CCDC122: variants seen among roughly 807,000 people sequenced by gnomAD.
CCDC122 encodes the protein coiled-coil domain containing 122, also known as coiled-coil domain-containing protein 122.
A neutral mutation model predicts 37.0 loss-of-function variants in CCDC122; 38 were observed. The observed-to-expected ratio is 1.03, with a 90% CI of 0.79 to 1.35. The LOEUF is 1.35. CCDC122 is among the 40% of genes most tolerant of loss of function. The pLI, the probability that CCDC122 is intolerant of heterozygous loss-of-function variation, is 0.00. For missense variants in CCDC122, 305 were observed against 310.0 expected, an observed-to-expected ratio of 0.98 and a Z score of 0.12; for synonymous variants, 83 against 95.6, an observed-to-expected ratio of 0.87 and a Z score of 0.77.
chr13:43,833,319 A>T (rs17065113), downstream of CCDC122, among the ~76,000 whole-genome samples: 1 of 152,210 alleles, frequency 6.6e-6, no homozygotes. Context: ...GGATCAGGAC[A>T]GATACTACTG....
At position 43,858,846 on chromosome 13, in the gene CCDC122, T is replaced by C. The variant is rs113494820; in HGVS notation, c.607A>G (p.Ile203Val). The C allele has an allele frequency of 2.8e-6, 4 of 1,423,188 alleles. No homozygotes were observed. The highest frequency in any genetic ancestry group is 2.8e-6 in the Non-Finnish European group (3 of 1,055,510). The allele number at this position is 1,423,188 out of a possible 1,614,324, so 88.2% of individuals were successfully genotyped here. Reference protein sequence around the residue: ...DKIITVKESIIEKTCFLEEEK... With the variant: ...DKIITVKESIVEKTCFLEEEK... ...TCCTCAAGAAAACAAGTTTTTTCAA[T>C]GATAGATTCTTTTACAGTTATAATT... Residue 203 changes from isoleucine (I) to valine (V), a missense_variant, in exon 6 of 7, where the codon ATT (isoleucine) becomes GTT (valine). Transcript: ENST00000444614.
chr13:43,873,955 CCTTTT>C, intron 2 of CCDC122, among the ~76,000 whole-genome samples: 1 of 152,264 alleles, frequency 6.6e-6, no homozygotes, highest in South Asian at 2.1e-4. Context: ...TCCAGTTTGC[CCTTTT>C]CTAACAGAAT....
chr13:43,849,736 A>G (rs1953662197), intron 6 of CCDC122, among the ~76,000 whole-genome samples: 1 of 152,190 alleles, frequency 6.6e-6, no homozygotes, highest in South Asian at 2.1e-4. Context: ...TCCAACACTC[A>G]TGCCAGCAAG....
At chr13:43,820,357 G>A (rs372881893), downstream of CCDC122, among the ~76,000 whole-genome samples, 1 of 152,122 alleles carries the variant, frequency 6.6e-6, no homozygotes, top group South Asian at 2.1e-4. Flanking sequence ...CGGTAAAGTA[G>A]CAGGTTTCAG....
intron 6 of CCDC122, among the ~76,000 whole-genome samples, chr13:43,843,452 A>G (rs1953422593): frequency 6.6e-6 from 1 of 152,002 alleles, no homozygotes; most frequent in Non-Finnish European, 1.5e-5. Flanking sequence ...TGCTAAATTT[A>G]ATTTGCAAGT....
chr13:43,846,423 G>T (rs1415642359), intron 6 of CCDC122, among the ~76,000 whole-genome samples: 1 of 152,106 alleles, frequency 6.6e-6, no homozygotes, highest in East Asian at 1.9e-4. Context: ...ACTAACCATT[G>T]TGCACATGTT....
At position 43,860,001 on chromosome 13, in the gene CCDC122, T is replaced by G; in HGVS notation, c.226A>C (p.Ile76Leu). ...SAETKETERQ[I>L]YQQDSAIENT... Reference sequence around the variant, plus strand: ...TCTATGGCAGAATCTTGTTGATAAATTTGTCTTTCTGTTTCTTTAGTTTCT... The same window carrying G: ...TCTATGGCAGAATCTTGTTGATAAAGTTGTCTTTCTGTTTCTTTAGTTTCT... Residue 76 changes from isoleucine (I) to leucine (L), a missense_variant, in exon 5 of 7, where the codon ATT becomes CTT. Transcript: ENST00000444614. 2 of 1,586,488 alleles carry G rather than the reference T, an allele frequency of 1.3e-6. No homozygotes were observed. The highest frequency in any genetic ancestry group is 8.6e-7 in the Non-Finnish European group (1 of 1,167,238).
downstream of CCDC122, among the ~76,000 whole-genome samples, chr13:43,835,058 C>T (rs553691923): frequency 1.5e-3 from 223 of 151,792 alleles, 3 homozygotes; most frequent in African/African-American, 5.3e-3. Context: ...TTGGAACCAA[C>T]CCAAATGTCC....
rs553443721 is a variant in CCDC122, at chr13:43,873,371, T to C, written c.-114+1471A>G. On this transcript the variant is annotated intron_variant, in intron 2 of 6. Transcript: ENST00000444614. ...ACAAACTGAACTTTTGATTCCTCTG[T>C]CCACTCTATTACCACCATTAAACCT... Among the ~76,000 whole-genome samples the C allele has an allele frequency of 2.0e-5, 3 of 152,286 alleles. No homozygotes were observed. The South Asian group carries it at 6.2e-4, about 32-fold the overall frequency.
At chr13:43,844,044 A>T (rs1372913865) in intron 6 of CCDC122, among the ~76,000 whole-genome samples, 2 of 150,978 alleles carry the variant, frequency 1.3e-5, no homozygotes, top group Admixed American at 1.3e-4. Flanking sequence ...TATTTCATTG[A>T]TTTCTGTTAT....
At chr13:43,871,771 A>AT (rs1305012687) in intron 2 of CCDC122, among the ~76,000 whole-genome samples, 1 of 151,878 alleles carries the variant, frequency 6.6e-6, no homozygotes, top group Non-Finnish European at 1.5e-5. Flanking sequence ...GAGATGAAAC[A>AT]TTTTTTTCTG....
chr13:43,848,195 G>C (rs180686209), intron 6 of CCDC122, among the ~76,000 whole-genome samples: 7 of 152,280 alleles, frequency 4.6e-5, no homozygotes, highest in African/African-American at 1.7e-4. Flanking sequence ...AATTAAATAT[G>C]CTTTGTTCAT....
In CCDC122 at chr13:43,858,978, T is replaced by TAGCCAAA. The variant is rs1251764627; in HGVS notation, c.556-82_556-81insTTTGGCT. 9 of 1,119,646 alleles carry TAGCCAAA rather than the reference T, an allele frequency of 8.0e-6. No individual in the cohort carries two copies. In the African/African-American group the frequency reaches 1.2e-4, roughly 14 times the overall value. 69.4% of individuals were successfully genotyped at this position (1,119,646 alleles called of 1,614,324 possible). ...TCCAATTTTTCAGTGTTTCTATAAT[T>TAGCCAAA]TAAGAAAACTAGCCAAATCAAAATT... On this transcript the variant is annotated intron_variant, in intron 5 of 6. Coordinates refer to ENST00000444614, the MANE Select transcript of CCDC122 (RefSeq NM_144974.5).
In CCDC122 at chr13:43,837,353, T is replaced by C. The variant is rs1953200208; in HGVS notation, c.749A>G (p.Gln250Arg). ...CAATTGTTGAATGTTCCATTGCCACTGTCGTCTATTTGACTGAAGCTTGTT... is the reference window on the plus strand; with the variant it reads ...CAATTGTTGAATGTTCCATTGCCACCGTCGTCTATTTGACTGAAGCTTGTT... ...QVNKLQSNRR[Q>R]WQWNIQQLEK... is the part of the protein sequence containing the mutation. Residue 250 changes from glutamine (Q) to arginine (R), a missense_variant, in exon 7 of 7, where the codon CAG becomes CGG. Transcript: ENST00000444614. The C allele has an allele frequency of 1.9e-6, 3 of 1,614,086 alleles. No homozygotes were observed. The highest frequency in any genetic ancestry group is 2.5e-6 in the Non-Finnish European group (3 of 1,179,976).
chr13:43,819,428 T>C (rs1952979747), downstream of CCDC122, among the ~76,000 whole-genome samples: 1 of 152,170 alleles, frequency 6.6e-6, no homozygotes, highest in South Asian at 2.1e-4. Flanking sequence ...AACAAAAGAT[T>C]ACAAACAACC....
At chr13:43,824,130 A>C (rs1169180611) in intron 3 of CCDC122, 2 of 152,254 alleles carry the variant, frequency 1.3e-5, no homozygotes, top group Non-Finnish European at 2.9e-5. Context: ...ATATGAGTGA[A>C]CAATATGCTA....
intron 3 of CCDC122, among the ~76,000 whole-genome samples, chr13:43,825,039 A>G (rs1055896288): frequency 1.3e-5 from 2 of 152,240 alleles, no homozygotes; most frequent in African/African-American, 4.8e-5. Context: ...CAGCAGTCCC[A>G]TTACTGGGTA....
At chr13:43,843,639 A>G (rs1953427576) in intron 6 of CCDC122, among the ~76,000 whole-genome samples, 1 of 151,790 alleles carries the variant, frequency 6.6e-6, no homozygotes, top group South Asian at 2.1e-4. Flanking sequence ...ATTGGGCATT[A>G]TTTTTTCCTT....
chr13:43,830,829 T>G (rs373143534), intron 3 of CCDC122, among the ~76,000 whole-genome samples: 7 of 152,280 alleles, frequency 4.6e-5, no homozygotes, highest in African/African-American at 1.7e-4. Flanking sequence ...GAATTGGAGC[T>G]TGAAGATGAT....
Sources: gnomAD v4.1 joint callset for allele counts (sites outside exome capture counted in the v4.1 genomes callset) on GRCh38, gnomAD v4.1.1 for gene constraint, MANE v1.5 for transcripts, NCBI Gene and HGNC (gene_info 2026-07-23, HGNC 2026-07-21) for gene names.